Variants in ADCY2 observed in about 807,000 individuals in gnomAD.
ADCY2 encodes adenylate cyclase 2.
Under a neutral mutation model 125.2 loss-of-function variants are expected in ADCY2, and 31 were observed. The ratio of observed to expected loss-of-function variants is 0.25; its 90% CI spans 0.19 to 0.33. The LOEUF (loss-of-function observed/expected upper bound fraction) is 0.33. Among genes scored for constraint, ADCY2 ranks in the 10% least tolerant of loss-of-function variants. The probability of loss-of-function intolerance (pLI) is 1.00; values close to 1 mark genes in which losing one functional copy is unlikely to be tolerated. For missense variants in ADCY2, 904 were observed against 1,418.2 expected, an observed-to-expected ratio of 0.64 and a Z score of 5.82; for synonymous variants, 512 against 548.4, an observed-to-expected ratio of 0.93 and a Z score of 0.93.
At chr5:7,636,158 AC>A (rs1738495930) in intron 4 of ADCY2, among the ~76,000 whole-genome samples, 1 of 152,362 alleles carries the variant, frequency 6.6e-6, no homozygotes, top group African/African-American at 2.4e-5. Flanking sequence ...ACTCATCAGA[AC>A]CCATGAAATA....
chr5:7,651,508 C>G (rs555763099), intron 4 of ADCY2, among the ~76,000 whole-genome samples: 2 of 152,092 alleles, frequency 1.3e-5, no homozygotes, highest in African/African-American at 2.4e-5. Context: ...GCAGGAAGCA[C>G]GAGAAAAAGA....
chr5:7,679,779 T>C (rs892349940), intron 4 of ADCY2, among the ~76,000 whole-genome samples: 4 of 152,208 alleles, frequency 2.6e-5, no homozygotes, highest in Non-Finnish European at 5.9e-5. Flanking sequence ...AACAGCTGCA[T>C]TTGAGTTCTC....
intron 13 of ADCY2, 93 bp downstream of exon 13, chr5:7,724,707 T>A: frequency 1.1e-6 from 1 of 882,414 alleles, no homozygotes; most frequent in Non-Finnish European, 1.8e-6. Context: ...TATGTGACAT[T>A]TAAACTGCCT....
chr5:7,578,745 C>T (rs1038262652), intron 3 of ADCY2, among the ~76,000 whole-genome samples: 6 of 152,148 alleles, frequency 3.9e-5, no homozygotes, highest in South Asian at 4.1e-4. Context: ...TGTCAACCCA[C>T]GGTGCCTGAC....
chr5:7,531,415 C>T (rs531530862), intron 3 of ADCY2, among the ~76,000 whole-genome samples: 3 of 152,300 alleles, frequency 2.0e-5, no homozygotes, highest in African/African-American at 7.2e-5. Flanking sequence ...GACCACCCCC[C>T]AGATGAGAAA....
chr5:7,621,292 G>A (rs778032088), intron 3 of ADCY2, among the ~76,000 whole-genome samples: 14 of 152,150 alleles, frequency 9.2e-5, no homozygotes, highest in Admixed American at 1.3e-4. Context: ...CTCCACAGGC[G>A]TATGGTCTCC....
intron 2 of ADCY2, among the ~76,000 whole-genome samples, chr5:7,493,393 G>A (rs1454128730): frequency 6.6e-6 from 1 of 150,602 alleles, no homozygotes; most frequent in Non-Finnish European, 1.5e-5. Context: ...AGAGGACAGG[G>A]GAGTGAAGGA....
chr5:7,683,627 A>G lies in ADCY2; in HGVS notation c.721-7064A>G, dbSNP rs139189725. ...AGGAGCACATATCACTGCTGCTTAC[A>G]TGTCACTGGTCCTACCAAGGTACAT... On this transcript the variant is annotated intron_variant, in intron 4 of 24. Transcript: ENST00000338316. Among the ~76,000 whole-genome samples, 26 of 152,192 alleles carry G rather than the reference A, an allele frequency of 1.7e-4. No homozygotes were observed. The East Asian group carries it at 4.9e-3, about 29-fold the overall frequency.
At chr5:7,603,471 C>T (rs1361694174) in intron 3 of ADCY2, among the ~76,000 whole-genome samples, 1 of 152,194 alleles carries the variant, frequency 6.6e-6, no homozygotes, top group African/African-American at 2.4e-5. Flanking sequence ...AATTAACTCC[C>T]AGGTTGATAA....
chr5:7,717,031 C>A, intron 11 of ADCY2, 126 bp from the exon 12 acceptor site: 1 of 619,310 alleles, frequency 1.6e-6, no homozygotes. Flanking sequence ...GATCATTGCA[C>A]ATGCATGCAA....
chr5:7,639,234 A>T (rs966991818), intron 4 of ADCY2, among the ~76,000 whole-genome samples: 17 of 152,184 alleles, frequency 1.1e-4, no homozygotes, highest in African/African-American at 4.1e-4. Context: ...GTGAGAACAT[A>T]TACTCTCCAA....
chr5:7,509,541 G>A (rs556793937), intron 2 of ADCY2, among the ~76,000 whole-genome samples: 3 of 152,150 alleles, frequency 2.0e-5, no homozygotes, highest in Non-Finnish European at 4.4e-5. Flanking sequence ...AAAAAGCACA[G>A]TGAAAGTTAT....
chr5:7,692,136 G>T (rs1162287255), intron 5 of ADCY2: 1 of 152,196 alleles, frequency 6.6e-6, no homozygotes, highest in Non-Finnish European at 1.5e-5. Flanking sequence ...TAAGTAACCT[G>T]TGCATGAATC....
chr5:7,588,597 A>C (rs950727739), intron 3 of ADCY2, among the ~76,000 whole-genome samples: 2 of 152,226 alleles, frequency 1.3e-5, no homozygotes, highest in African/African-American at 4.8e-5. Context: ...CATGGGCCAA[A>C]CTACTCATCT....
chr5:7,646,347 T>C (rs1034275947), intron 4 of ADCY2, among the ~76,000 whole-genome samples: 4 of 150,636 alleles, frequency 2.7e-5, no homozygotes, highest in Admixed American at 6.6e-5. Flanking sequence ...ATATATATAG[T>C]ACAAATACAC....
At chr5:7,484,892 A>G (rs536794708) in intron 2 of ADCY2, among the ~76,000 whole-genome samples, 5 of 152,268 alleles carry the variant, frequency 3.3e-5, no homozygotes, top group Admixed American at 2.6e-4. Context: ...CTGCCATCCC[A>G]TTCCTCTCTT....
In ADCY2 at chr5:7,657,513, T is replaced by TA. The variant is rs141440352; in HGVS notation, c.720+31197_720+31198insA. On this transcript the variant is annotated intron_variant, in intron 4 of 24. Coordinates refer to ENST00000338316, the MANE Select transcript of ADCY2 (RefSeq NM_020546.3). ...TAAATATGTCACAGTGGCTCTCCAT[T>TA]CCCAAGCCAATGCTATTCTCTGCCT... Among the ~76,000 whole-genome samples, 1,207 of 152,260 alleles carry TA rather than the reference T, an allele frequency of 7.9e-3. 18 individuals carry two copies. Among genetic ancestry groups the TA allele is most frequent in the African/African-American group, 0.027 (1,137 of 41,554 alleles).
intron 3 of ADCY2, among the ~76,000 whole-genome samples, chr5:7,553,963 G>A (rs558162256): frequency 6.6e-6 from 1 of 152,276 alleles, no homozygotes; most frequent in South Asian, 2.1e-4. Context: ...AGTTCTTGCT[G>A]GAGTTACTTT....
chr5:7,477,961 T>C (rs1399886773), intron 2 of ADCY2, among the ~76,000 whole-genome samples: 1 of 152,206 alleles, frequency 6.6e-6, no homozygotes, highest in African/African-American at 2.4e-5. Context: ...TTTACTTCAC[T>C]GTATTTAGTC....
Sources: allele counts gnomAD v4.1 joint callset (sites outside exome capture counted in the v4.1 genomes callset), GRCh38; gene constraint gnomAD v4.1.1; transcripts MANE v1.5; gene names NCBI Gene and HGNC (gene_info 2026-07-23, HGNC 2026-07-21).